Variants in TCAIM observed in about 807,000 individuals in gnomAD.
TCAIM encodes T cell activation inhibitor, mitochondrial.
In TCAIM, 36 loss-of-function variants were observed where a neutral mutation model predicts 58.6. The ratio of observed to expected loss-of-function variants is 0.61; its 90% CI spans 0.47 to 0.81. The LOEUF (loss-of-function observed/expected upper bound fraction) is 0.81. TCAIM is among the 30% of genes least tolerant of loss of function. The pLI, the probability that TCAIM is intolerant of heterozygous loss-of-function variation, is 0.00. For synonymous variants in TCAIM, 172 were observed against 193.6 expected (o/e 0.89, Z 0.93); for missense variants, 466 against 579.6 (o/e 0.80, Z 2.01).
At chr3:44,362,043 T>G (rs1701302980) in intron 4 of TCAIM, among the ~76,000 whole-genome samples, 1 of 152,154 alleles carries the variant, frequency 6.6e-6, no homozygotes, top group Non-Finnish European at 1.5e-5. Flanking sequence ...ATATTTAAAA[T>G]TAAGGACAAA....
chr3:44,396,922 G>T, intron 8 of TCAIM, 88 bp downstream of exon 8: 1 of 1,301,774 alleles, frequency 7.7e-7, no homozygotes, highest in Non-Finnish European at 1.1e-6. Flanking sequence ...ACTAAAAAAA[G>T]GTTTGTTGTG....
chr3:44,379,268 T>TG (rs1387226367), intron 5 of TCAIM, among the ~76,000 whole-genome samples: 4 of 152,168 alleles, frequency 2.6e-5, no homozygotes, highest in Admixed American at 2.6e-4. Flanking sequence ...TATTTAGTGT[T>TG]GGTAAGAGTG....
chr3:44,397,378 T>G (rs923940808), intron 8 of TCAIM, among the ~76,000 whole-genome samples: 9 of 152,236 alleles, frequency 5.9e-5, no homozygotes, highest in Non-Finnish European at 1.0e-4. Context: ...TTTTCATAAG[T>G]GGAATCATAG....
intron 5 of TCAIM, among the ~76,000 whole-genome samples, chr3:44,375,533 A>G (rs952009979): frequency 2.0e-5 from 3 of 152,234 alleles, no homozygotes; most frequent in African/African-American, 4.8e-5. Context: ...TTCTGCCTCC[A>G]TGACCCAAAA....
intron 1 of TCAIM, among the ~76,000 whole-genome samples, chr3:44,348,461 G>C (rs1701018221): frequency 6.6e-6 from 1 of 152,224 alleles, no homozygotes; most frequent in Non-Finnish European, 1.5e-5. Context: ...TGGCCCAGTG[G>C]CCAGATTTCT....
intron 5 of TCAIM, among the ~76,000 whole-genome samples, chr3:44,384,552 T>C (rs1356281424): frequency 6.6e-6 from 1 of 152,218 alleles, no homozygotes; most frequent in African/African-American, 2.4e-5. Flanking sequence ...AAAAGAATAC[T>C]GAACAAGTAT....
chr3:44,362,639 A>G, intron 4 of TCAIM: 1 of 378,164 alleles, frequency 2.6e-6, no homozygotes, highest in Non-Finnish European at 4.7e-6. Context: ...AAATAGCCCT[A>G]TTCTTCAATA....
At chr3:44,354,023 T>C (rs532712184) in intron 1 of TCAIM, among the ~76,000 whole-genome samples, 15 of 152,314 alleles carry the variant, frequency 9.8e-5, no homozygotes, top group African/African-American at 3.6e-4. Context: ...ATTTTCTCTT[T>C]TGTTATCTTC....
At chr3:44,396,258 C>T (rs1035211224) in intron 6 of TCAIM, 142 bp from the exon 7 acceptor site, 1 of 614,538 alleles carries the variant, frequency 1.6e-6, no homozygotes, top group African/African-American at 1.9e-5. Flanking sequence ...AGCTTAGAAA[C>T]ATATGATCAA....
At chr3:44,350,095 C>T (rs962600700) in intron 1 of TCAIM, among the ~76,000 whole-genome samples, 11 of 152,104 alleles carry the variant, frequency 7.2e-5, no homozygotes, top group African/African-American at 1.9e-4. Flanking sequence ...TTTTAATCAC[C>T]TGGGTGCAGG....
chr3:44,342,808 A>G (rs1700881793), intron 1 of TCAIM, among the ~76,000 whole-genome samples: 1 of 151,234 alleles, frequency 6.6e-6, no homozygotes, highest in East Asian at 1.9e-4. Flanking sequence ...TCTTTCCCCT[A>G]TTGACCAATT....
intron 2 of TCAIM, 52 bp from the exon 3 acceptor site, chr3:44,357,689 T>C: frequency 6.3e-7 from 1 of 1,594,054 alleles, no homozygotes; most frequent in Middle Eastern, 1.7e-4. Context: ...CATTGAGGAT[T>C]TGTGTGTGTG....
In TCAIM at chr3:44,344,183, TG is replaced by T. The variant is rs564769060; in HGVS notation, c.-45+5350del. Among the ~76,000 whole-genome samples the T allele has an allele frequency of 1.4e-3, 208 of 152,268 alleles. 2 individuals are homozygous for T. Among genetic ancestry groups the T allele is most frequent in the African/African-American group, 4.9e-3 (203 of 41,558 alleles). ...TGTGTCACCACACTCAGCTAATTTTTGTATTTTTAGCAGAGATGGGGTTTTG... is the reference window on the plus strand; with the variant it reads ...TGTGTCACCACACTCAGCTAATTTTTTATTTTTAGCAGAGATGGGGTTTTG... On this transcript the variant is annotated intron_variant, in intron 1 of 10. Coordinates refer to ENST00000342649, the MANE Select transcript of TCAIM (RefSeq NM_173826.4).
intron 5 of TCAIM, among the ~76,000 whole-genome samples, chr3:44,388,636 T>C (rs1242176117): frequency 6.6e-6 from 1 of 152,220 alleles, no homozygotes; most frequent in East Asian, 1.9e-4. Flanking sequence ...CTTTTACTCA[T>C]TAGATTTTTA....
At chr3:44,362,455 G>C (rs933487823) in intron 4 of TCAIM, 14 of 400,906 alleles carry the variant, frequency 3.5e-5, no homozygotes, top group Admixed American at 3.1e-4. Flanking sequence ...TTGATCTGAA[G>C]AATGCTGAAG....
rs534785904 is a variant in TCAIM at position 44,356,051 on chromosome 3, A to G, written c.29+1240A>G. Among the ~76,000 whole-genome samples, 6 of 152,356 alleles carry G rather than the reference A, an allele frequency of 3.9e-5. No individual in the cohort carries two copies. In the East Asian group the frequency reaches 7.7e-4, roughly 20 times the overall value. ...ATATATTGACTTTATAAAAGGTTCAAATATATAGGAGAAACAAAAGATAAT... is the reference window on the plus strand; with the variant it reads ...ATATATTGACTTTATAAAAGGTTCAGATATATAGGAGAAACAAAAGATAAT... On this transcript the variant is annotated intron_variant, in intron 2 of 10. Coordinates refer to ENST00000342649, the MANE Select transcript of TCAIM (RefSeq NM_173826.4).
chr3:44,361,613 T>C, intron 4 of TCAIM, 95 bp downstream of exon 4: 1 of 1,242,590 alleles, frequency 8.0e-7, no homozygotes, highest in Non-Finnish European at 1.1e-6. Context: ...ATGAAAACTT[T>C]GGTGATAGAA....
chr3:44,405,274 A>G (rs752743568), intron 10 of TCAIM, among the ~76,000 whole-genome samples: 1 of 152,198 alleles, frequency 6.6e-6, no homozygotes, highest in South Asian at 2.1e-4. Flanking sequence ...TTTACTCTAT[A>G]TCATATATTT....
At chr3:44,392,552 C>T (rs1024570776) in intron 5 of TCAIM, among the ~76,000 whole-genome samples, 1 of 152,158 alleles carries the variant, frequency 6.6e-6, no homozygotes, top group Admixed American at 6.5e-5. Context: ...ATTTAGCTCC[C>T]GTTTATAAGT....
Sources: gnomAD v4.1 joint callset for allele counts (sites outside exome capture counted in the v4.1 genomes callset) on GRCh38, gnomAD v4.1.1 for gene constraint, MANE v1.5 for transcripts, NCBI Gene and HGNC (gene_info 2026-07-23, HGNC 2026-07-21) for gene names.